The following STXBP4 variants were observed in gnomAD, a reference collection of about 807,000 sequenced individuals.
The protein encoded by STXBP4 is syntaxin binding protein 4.
In STXBP4, 55 loss-of-function variants were observed where a neutral mutation model predicts 76.1. The ratio of observed to expected loss-of-function variants is 0.72; its 90% confidence interval spans 0.58 to 0.91. STXBP4 has a LOEUF of 0.91. Ranked by LOEUF, STXBP4 falls within the 40% of genes least tolerant of loss-of-function variation. The pLI, the probability that STXBP4 is intolerant of heterozygous loss-of-function variation, is 0.00. For missense variants in STXBP4, 618 were observed against 636.9 expected (o/e 0.97, Z 0.32); for synonymous variants, 201 against 220.2 (o/e 0.91, Z 0.77).
chr17:55,065,748 A>G (rs933685471), intron 12 of STXBP4, among the ~76,000 whole-genome samples: 1 of 152,188 alleles, frequency 6.6e-6, no homozygotes, highest in African/African-American at 2.4e-5. Context: ...AAATTTATCA[A>G]TTAGATGTAT....
chr17:55,039,671 TACA>T (rs2078665044), intron 10 of STXBP4, among the ~76,000 whole-genome samples: 1 of 151,680 alleles, frequency 6.6e-6, no homozygotes. Context: ...AAACAACAAC[TACA>T]ACAAGTATGT....
chr17:55,013,984 C>A (rs996353893), intron 8 of STXBP4, among the ~76,000 whole-genome samples: 5 of 152,190 alleles, frequency 3.3e-5, no homozygotes, highest in Admixed American at 6.5e-5. Flanking sequence ...TTAGGTACAG[C>A]TGGGTATAGA....
At chr17:55,031,042 G>A (rs1003056333) in intron 8 of STXBP4, 126 bp from the exon 9 acceptor site, 1 of 645,482 alleles carries the variant, frequency 1.5e-6, no homozygotes, top group Non-Finnish European at 2.7e-6. Context: ...GACTTCCCTT[G>A]GGTGTTTAAT....
chr17:55,158,444 G>A (rs751573795), intron 17 of STXBP4, among the ~76,000 whole-genome samples: 5 of 152,198 alleles, frequency 3.3e-5, no homozygotes, highest in African/African-American at 1.2e-4. Flanking sequence ...GATAAAGGCA[G>A]TGGGGTAAAC....
At chr17:55,205,228 G>C in the STXBP4 span, among the ~76,000 whole-genome samples, 1 of 151,854 alleles carries the variant, frequency 6.6e-6, no homozygotes, top group Non-Finnish European at 1.5e-5. Context: ...TAGAGAAATA[G>C]ATCTATATAA....
At chr17:55,200,445 A>G in the STXBP4 span, among the ~76,000 whole-genome samples, 1 of 152,254 alleles carries the variant, frequency 6.6e-6, no homozygotes, top group Admixed American at 6.5e-5. Flanking sequence ...AATAACTGCC[A>G]TAATCTGTAG....
the STXBP4 span, among the ~76,000 whole-genome samples, chr17:55,208,920 G>GAA: frequency 4.3e-5 from 6 of 140,546 alleles, no homozygotes; most frequent in Non-Finnish European, 7.8e-5. Context: ...TGTCTCTACA[G>GAA]AAAAAAAAAA....
the STXBP4 span, among the ~76,000 whole-genome samples, chr17:55,210,371 C>G: frequency 1.3e-5 from 2 of 152,052 alleles, no homozygotes; most frequent in Non-Finnish European, 1.5e-5. Flanking sequence ...GCGCTCATTC[C>G]CCTTTATGGA....
chr17:55,085,437 A>T (rs973239523), intron 16 of STXBP4, among the ~76,000 whole-genome samples: 1 of 152,064 alleles, frequency 6.6e-6, no homozygotes, highest in African/African-American at 2.4e-5. Flanking sequence ...TATTACAAGT[A>T]CCCATTAATA....
chr17:55,010,032 C>A (rs888312863), intron 8 of STXBP4, among the ~76,000 whole-genome samples: 12 of 151,742 alleles, frequency 7.9e-5, no homozygotes, highest in African/African-American at 2.9e-4. Context: ...CCAATGTGAT[C>A]AGGTATTTAA....
chr17:55,159,416 G>C (rs2080316188), intron 17 of STXBP4, among the ~76,000 whole-genome samples: 1 of 152,168 alleles, frequency 6.6e-6, no homozygotes, highest in Admixed American at 6.5e-5. Context: ...AAAAGAACTA[G>C]AGCAGAGGCA....
intron 3 of STXBP4, among the ~76,000 whole-genome samples, chr17:54,989,564 T>C (rs1405417649): frequency 6.6e-6 from 1 of 152,216 alleles, no homozygotes; most frequent in Non-Finnish European, 1.5e-5. Flanking sequence ...CAAGTTAACC[T>C]ATCTGAATTT....
At chr17:54,974,747 C>T (rs1391402482) in intron 1 of STXBP4, among the ~76,000 whole-genome samples, 1 of 152,212 alleles carries the variant, frequency 6.6e-6, no homozygotes. Context: ...ATTGAAGTGG[C>T]ATTGTACAGT....
chr17:55,203,282 T>A, the STXBP4 span, among the ~76,000 whole-genome samples: 1 of 152,180 alleles, frequency 6.6e-6, no homozygotes, highest in East Asian at 1.9e-4. Context: ...AATAGAATCT[T>A]ATGTTTACAC....
intron 16 of STXBP4, among the ~76,000 whole-genome samples, chr17:55,090,160 G>T (rs912455276): frequency 6.6e-6 from 1 of 151,988 alleles, no homozygotes; most frequent in Non-Finnish European, 1.5e-5. Flanking sequence ...GGGGGCAGAC[G>T]ATCTCTTTTC....
At chr17:55,136,562 T>A (rs1185258542) in intron 16 of STXBP4, among the ~76,000 whole-genome samples, 1 of 152,178 alleles carries the variant, frequency 6.6e-6, no homozygotes, top group African/African-American at 2.4e-5. Flanking sequence ...TATGTCATGG[T>A]GTATTACTAT....
At position 55,078,710 on chromosome 17, in the gene STXBP4, AATTCTACTC is replaced by A; in HGVS notation, c.1331_1339del (p.Asn444_Pro447delinsThr). ...GGCTATTCAAGAAGTATTTTCTGAT[AATTCTACTC>A]CTTTATCAAATTTAAGGTAAGAAAA... is the stretch of plus-strand genomic sequence containing the variant. On this transcript the variant is annotated inframe_deletion, in exon 15 of 18. Coordinates refer to ENST00000376352, the MANE Select transcript of STXBP4 (RefSeq NM_178509.6). The A allele has an allele frequency of 6.4e-7, 1 of 1,566,226 alleles. No homozygotes were observed. The highest frequency in any genetic ancestry group is 1.1e-5 in the South Asian group (1 of 89,152).
At chr17:55,189,957 A>G in the STXBP4 span, among the ~76,000 whole-genome samples, 1 of 152,308 alleles carries the variant, frequency 6.6e-6, no homozygotes, top group South Asian at 2.1e-4. Flanking sequence ...TATATTGTTG[A>G]AAGTAGGCAG....
rs185982836 is a variant in STXBP4, at chr17:55,149,142, C to T, written c.1547+7775C>T. Reference sequence around the variant, plus strand: ...TGGACCTTTTTAAATATTTTGCCCCCAAATACTTCTTAGCTATGAATGAGT... The same window carrying T: ...TGGACCTTTTTAAATATTTTGCCCCTAAATACTTCTTAGCTATGAATGAGT... On this transcript the variant is annotated intron_variant, in intron 17 of 17. Transcript: ENST00000376352. Among the ~76,000 whole-genome samples, 25 of 152,254 alleles carry T rather than the reference C, an allele frequency of 1.6e-4. No homozygotes were observed. The East Asian group carries it at 4.6e-3, about 28-fold the overall frequency.
Sources: allele counts gnomAD v4.1 joint callset (sites outside exome capture counted in the v4.1 genomes callset), GRCh38; gene constraint gnomAD v4.1.1; transcripts MANE v1.5; gene names NCBI Gene and HGNC (gene_info 2026-07-23, HGNC 2026-07-21).